Variants in BRSK2 observed in about 807,000 individuals in gnomAD.
BRSK2 encodes serine/threonine-protein kinase BRSK2.
In BRSK2, 19 loss-of-function variants were observed where a neutral mutation model predicts 83.3. The observed-to-expected ratio is 0.23, with a 90% CI of 0.16 to 0.33. The LOEUF is 0.33. Ranked by LOEUF, BRSK2 falls within the 10% of genes least tolerant of loss-of-function variation. The probability of loss-of-function intolerance (pLI) is 1.00; values close to 1 mark genes in which losing one functional copy is unlikely to be tolerated. For missense variants in BRSK2, 798 were observed against 1,042.3 expected (o/e 0.77, Z 3.23); for synonymous variants, 519 against 435.4 (o/e 1.19, Z -2.39).
chr11:1,436,491 A>G (rs1344078961), intron 2 of BRSK2, among the ~76,000 whole-genome samples: 1 of 152,104 alleles, frequency 6.6e-6, no homozygotes, highest in East Asian at 1.9e-4. Flanking sequence ...CCCCTCTCCT[A>G]CCAGGGCACA....
At chr11:1,411,039 A>G (rs914820329) in intron 1 of BRSK2, 39 of 1,053,810 alleles carry the variant, frequency 3.7e-5, no homozygotes, top group Non-Finnish European at 4.5e-5. Flanking sequence ...TGCTCCCATC[A>G]CCATGGCAAC....
In BRSK2 at chr11:1,445,472, T is replaced by C; in HGVS notation, c.977+14T>C. The C allele has an allele frequency of 6.2e-7, 1 of 1,611,148 alleles. No homozygotes were observed. The highest frequency in any genetic ancestry group is 8.5e-7 in the Non-Finnish European group (1 of 1,179,414). On this transcript the variant is annotated intron_variant, in intron 10 of 19. Transcript: ENST00000528841. Reference sequence around the variant, plus strand: ...GCTGTCCGAGGAGTGCGTCTGGGGCTGCTCCCGGGTGGGGCACGGGGCCTG... The same window carrying C: ...GCTGTCCGAGGAGTGCGTCTGGGGCCGCTCCCGGGTGGGGCACGGGGCCTG...
At chr11:1,425,424 T>C (rs1849099442) in intron 1 of BRSK2, among the ~76,000 whole-genome samples, 1 of 151,948 alleles carries the variant, frequency 6.6e-6, no homozygotes, top group African/African-American at 2.4e-5. Context: ...TGTGGTGTCC[T>C]TGTGGTCTGT....
At position 1,403,085 on chromosome 11, in the gene BRSK2, C is replaced by T. The variant is rs528404369; in HGVS notation, c.91+12710C>T. Among the ~76,000 whole-genome samples, 188 of 152,242 alleles carry T rather than the reference C, an allele frequency of 1.2e-3. 1 individual carries two copies. Among genetic ancestry groups the T allele is most frequent in the African/African-American group, 3.9e-3 (161 of 41,550 alleles). The stretch of plus-strand genomic sequence containing the variant: ...AGGTGCCTGGCTGCAGGCCTCTGCC[C>T]GGCCTCTCACCCATGGGGTGTTGAG... On this transcript the variant is annotated intron_variant, in intron 1 of 19. Transcript: ENST00000528841.
At chr11:1,442,348 C>A in intron 4 of BRSK2, 142 bp from the exon 5 acceptor site, 1 of 623,952 alleles carries the variant, frequency 1.6e-6, no homozygotes. Flanking sequence ...CTGCCTATGA[C>A]ATCACCAGGC....
In BRSK2 at chr11:1,440,866, G is replaced by A. The variant is rs1429204187; in HGVS notation, c.351G>A (p.Glu117=). Residue 117 remains glutamate, a synonymous_variant, in exon 4 of 20, where the codon GAG becomes GAA. Coordinates refer to ENST00000528841, the MANE Select transcript of BRSK2 (RefSeq NM_001256627.2). ...AGAAGGGGAGGCTGACGCCTAAGGA[G>A]GCTCGGAAGTTCTTCCGGCAGATCA... ...LVKKGRLTPK[E]ARKFFRQIIS... is the part of the protein sequence containing the mutation. 1 of 1,608,596 alleles carries A rather than the reference G, an allele frequency of 6.2e-7. No individual in the cohort carries two copies. The highest frequency in any genetic ancestry group is 1.1e-5 in the South Asian group (1 of 90,324).
At chr11:1,426,005 A>T (rs1359058765) in intron 1 of BRSK2, among the ~76,000 whole-genome samples, 8 of 152,082 alleles carry the variant, frequency 5.3e-5, no homozygotes, top group African/African-American at 1.9e-4. Flanking sequence ...CGGTGAGCAC[A>T]CCTCACCTGT....
intron 1 of BRSK2, among the ~76,000 whole-genome samples, chr11:1,418,435 T>C (rs1848327195): frequency 6.8e-6 from 1 of 147,176 alleles, no homozygotes; most frequent in Admixed American, 6.7e-5. Context: ...GGTCACACTG[T>C]GTCCTGCTTC....
chr11:1,392,298 C>T (rs550039970), intron 1 of BRSK2, among the ~76,000 whole-genome samples: 5 of 152,290 alleles, frequency 3.3e-5, no homozygotes, highest in African/African-American at 1.2e-4. Context: ...GGCTTCTGGC[C>T]GCCACCACCC....
intron 1 of BRSK2, among the ~76,000 whole-genome samples, chr11:1,392,248 G>A (rs2134001351): frequency 6.6e-6 from 1 of 152,320 alleles, no homozygotes; most frequent in East Asian, 1.9e-4. Context: ...AGGGAGATAG[G>A]CTTCCTGCCA....
chr11:1,420,384 G>T (rs1324508242), intron 1 of BRSK2, among the ~76,000 whole-genome samples: 1 of 152,192 alleles, frequency 6.6e-6, no homozygotes, highest in Non-Finnish European at 1.5e-5. Flanking sequence ...CCTGAGGCCT[G>T]CCCTGCACTC....
rs372576766 is a variant in BRSK2, at chr11:1,450,157, G to A, written c.1287+321G>A. Among the ~76,000 whole-genome samples, 34 of 151,956 alleles carry A rather than the reference G, an allele frequency of 2.2e-4. No individual in the cohort carries two copies. The East Asian group carries it at 5.9e-3, about 26-fold the overall frequency. On this transcript the variant is annotated intron_variant, in intron 13 of 19. Transcript: ENST00000528841. Reference sequence around the variant, plus strand: ...GTCCTCCTGTGCCGTGTGCATGCGGGGGACTGGGGTGCATGTGCCGCGCGG... The same window carrying A: ...GTCCTCCTGTGCCGTGTGCATGCGGAGGACTGGGGTGCATGTGCCGCGCGG...
rs187279603 is a variant in BRSK2, at chr11:1,438,969, A to T, written c.272+578A>T. Among the ~76,000 whole-genome samples the T allele has an allele frequency of 6.6e-6, 1 of 152,186 alleles. No individual in the cohort carries two copies. The highest frequency in any genetic ancestry group is 1.9e-4 in the East Asian group (1 of 5,162). ...GACCCAGCCTCAGGGAGCTCCTGGG[A>T]ATGGGCACAGTGGTCACTCACGGCA... is the stretch of plus-strand genomic sequence containing the variant. On this transcript the variant is annotated intron_variant, in intron 3 of 19. Coordinates refer to ENST00000528841, the MANE Select transcript of BRSK2 (RefSeq NM_001256627.2). The surrounding 1 kb of genome is among the most constrained non-coding windows in gnomAD (Gnocchi z 6.4).
rs991975516 is a variant in BRSK2 at position 1,454,164 on chromosome 11, G to A, written c.1545-321G>A. 4.6e-5 allele frequency: 10 copies of A among 219,394 alleles called. No homozygotes were observed. The highest frequency in any genetic ancestry group is 1.9e-4 in the African/African-American group (8 of 42,088). 13.6% of individuals were successfully genotyped at this position (219,394 alleles called of 1,614,324 possible). A position where few individuals can be genotyped will look rare whatever the true frequency, so the allele number is the denominator to read the frequency against. On this transcript the variant is annotated intron_variant, in intron 15 of 19. Coordinates refer to ENST00000528841, the MANE Select transcript of BRSK2 (RefSeq NM_001256627.2). This position sits in a 1 kb window ranked among gnomAD's most constrained non-coding sequence, Gnocchi z 5.2. Reference sequence around the variant, plus strand: ...CTCACAGCGGCCTTGGTGAGGGGGGGCTCACCTGTGGGGGGCTCACCTGTG... The same window carrying A: ...CTCACAGCGGCCTTGGTGAGGGGGGACTCACCTGTGGGGGGCTCACCTGTG...
At chr11:1,410,994 A>C in intron 1 of BRSK2, 1 of 981,476 alleles carries the variant, frequency 1.0e-6, no homozygotes, top group Non-Finnish European at 1.2e-6. Context: ...GGGCAGGAGC[A>C]GGGGCGGAGA....
chr11:1,433,971 C>T (rs1054877685), intron 1 of BRSK2, among the ~76,000 whole-genome samples: 3 of 152,248 alleles, frequency 2.0e-5, no homozygotes, highest in Non-Finnish European at 2.9e-5. Flanking sequence ...TGACGCCACA[C>T]AGATGAAACT....
At chr11:1,400,031 A>G (rs1481819919) in intron 1 of BRSK2, among the ~76,000 whole-genome samples, 7 of 152,264 alleles carry the variant, frequency 4.6e-5, no homozygotes, top group Admixed American at 1.3e-4. Context: ...CTGCACATAT[A>G]ACAGAGAAAC....
Position 1,450,629 on chromosome 11 carries a change from C to T in BRSK2, c.1330C>T (p.Pro444Ser), listed in dbSNP as rs1377362684. The T allele has an allele frequency of 2.5e-6, 4 of 1,603,332 alleles. No homozygotes were observed. The highest frequency in any genetic ancestry group is 1.7e-6 in the Non-Finnish European group (2 of 1,176,470). ...PSPRGSPLPT[P>S]KGTPVHTPKE... ...ACCAAGGGGCAGTCCCCTCCCCACC[C>T]CCAAGGGGACACCTGTCCACACGCC... Residue 444 changes from proline (P) to serine (S), a missense_variant, in exon 14 of 20, where the codon CCC becomes TCC. By Grantham distance (74) the Pro-to-Ser change is moderately conservative (BLOSUM62 -1). This residue lies in a region of BRSK2 where 455 missense variants were observed against 455.2 expected (regional missense o/e 1.00). Transcript: ENST00000528841.
chr11:1,398,687 G>A (rs1403538968), intron 1 of BRSK2, among the ~76,000 whole-genome samples: 4 of 152,200 alleles, frequency 2.6e-5, no homozygotes, highest in Non-Finnish European at 4.4e-5. Context: ...GACAGGAGGC[G>A]GTGGCCCCAG....
Sources: allele counts gnomAD v4.1 joint callset (sites outside exome capture counted in the v4.1 genomes callset), GRCh38; gene constraint gnomAD v4.1.1; regional missense constraint gnomAD v4.1.1; non-coding constraint Gnocchi (gnomAD v3.1); transcripts MANE v1.5; gene names NCBI Gene and HGNC (gene_info 2026-07-23, HGNC 2026-07-21).